MAP3K20: variants seen among roughly 807,000 people sequenced by gnomAD.
The protein encoded by MAP3K20 is HCCS-4.
A neutral mutation model predicts 85.7 loss-of-function variants in MAP3K20; 40 were observed. That is an observed-to-expected ratio of 0.47 (90% CI 0.36 to 0.61). The LOEUF is 0.61. MAP3K20 is among the 20% of genes least tolerant of loss of function. The pLI, the probability that MAP3K20 is intolerant of heterozygous loss-of-function variation, is 0.00. For synonymous variants in MAP3K20, 325 were observed against 327.7 expected, an observed-to-expected ratio of 0.99 and a Z score of 0.09; for missense variants, 817 against 961.7, an observed-to-expected ratio of 0.85 and a Z score of 1.99.
chr2:173,231,030 A>C (rs1363473320), intron 12 of MAP3K20, among the ~76,000 whole-genome samples: 1 of 152,218 alleles, frequency 6.6e-6, no homozygotes, highest in African/African-American at 2.4e-5. Flanking sequence ...TATAAAACTC[A>C]GGGACTTATG....
At chr2:173,122,491 T>C (rs1466557303) in intron 2 of MAP3K20, among the ~76,000 whole-genome samples, 1 of 152,166 alleles carries the variant, frequency 6.6e-6, no homozygotes, top group Non-Finnish European at 1.5e-5. Flanking sequence ...GGTGAAGGCT[T>C]GGAGGAGGAT....
chr2:173,173,747 T>G lies in MAP3K20; in HGVS notation c.247+3855T>G, dbSNP rs539613933. On this transcript the variant is annotated intron_variant, in intron 3 of 19. Coordinates refer to ENST00000375213, the MANE Select transcript of MAP3K20 (RefSeq NM_016653.3). Reference sequence around the variant, plus strand: ...CTATTAGTTATAATTTAAATGAAGCTTGGTCTTGGTGACATTTTATTACAA... The same window carrying G: ...CTATTAGTTATAATTTAAATGAAGCGTGGTCTTGGTGACATTTTATTACAA... 3.3e-5 allele frequency among the ~76,000 whole-genome samples: 5 copies of G among 152,336 alleles called. No homozygotes were observed. The South Asian group carries it at 6.2e-4, about 19-fold the overall frequency.
chr2:173,183,944 T>C (rs1015484586), intron 4 of MAP3K20, among the ~76,000 whole-genome samples: 2 of 152,158 alleles, frequency 1.3e-5, no homozygotes, highest in Non-Finnish European at 2.9e-5. Context: ...ATTCTTCAAA[T>C]AGGGAAAGTG....
intron 2 of MAP3K20, among the ~76,000 whole-genome samples, chr2:173,165,133 A>G (rs773942843): frequency 6.6e-6 from 1 of 151,968 alleles, no homozygotes. Context: ...TATTTTATGG[A>G]GAATCTTAGA....
At chr2:173,257,912 A>G (rs1455623761) in intron 16 of MAP3K20, among the ~76,000 whole-genome samples, 3 of 152,226 alleles carry the variant, frequency 2.0e-5, no homozygotes, top group Non-Finnish European at 4.4e-5. Context: ...CGAATGGTGT[A>G]AAGCACTTTT....
intron 2 of MAP3K20, among the ~76,000 whole-genome samples, chr2:173,145,221 T>C: frequency 6.6e-6 from 1 of 151,826 alleles, no homozygotes; most frequent in Non-Finnish European, 1.5e-5. Context: ...AATTCCAGCC[T>C]GGGTGACAGA....
intron 16 of MAP3K20, among the ~76,000 whole-genome samples, chr2:173,246,961 A>C (rs914239444): frequency 6.6e-6 from 1 of 152,228 alleles, no homozygotes. Context: ...TCAAAGGGGC[A>C]AGAAAAGTAG....
chr2:173,257,496 A>G (rs1032837790), intron 16 of MAP3K20, among the ~76,000 whole-genome samples: 3 of 152,192 alleles, frequency 2.0e-5, no homozygotes, highest in Non-Finnish European at 2.9e-5. Context: ...GCATGCATCA[A>G]TAATGTCTTC....
intron 2 of MAP3K20, among the ~76,000 whole-genome samples, chr2:173,095,607 T>A (rs1687435866): frequency 6.6e-6 from 1 of 152,220 alleles, no homozygotes; most frequent in African/African-American, 2.4e-5. Flanking sequence ...AATGTTTACT[T>A]CTTTGGGCCA....
In MAP3K20 at chr2:173,173,154, C is replaced by CTGTGTGTGTG. The variant is rs57836780; in HGVS notation, c.247+3296_247+3305dup. On this transcript the variant is annotated intron_variant, in intron 3 of 19. Transcript: ENST00000375213. The stretch of plus-strand genomic sequence containing the variant: ...CTGTACTACTCCCATTCTTTTATTT[C>CTGTGTGTGTG]TGTGTGTGTGTGTGTGTGTGTGTGT... Among the ~76,000 whole-genome samples the CTGTGTGTGTG allele has an allele frequency of 2.7e-4, 38 of 138,612 alleles. 1 individual carries two copies. Among genetic ancestry groups the CTGTGTGTGTG allele is most frequent in the East Asian group, 2.7e-3 (13 of 4,814 alleles). 90.9% of individuals were successfully genotyped at this position (138,612 alleles called of 152,430 possible).
chr2:173,245,218 AG>A (rs1684886405), intron 16 of MAP3K20, among the ~76,000 whole-genome samples: 1 of 152,198 alleles, frequency 6.6e-6, no homozygotes, highest in Non-Finnish European at 1.5e-5. Context: ...AAATAGGTAA[AG>A]GAAAAACCCT....
At chr2:173,108,042 G>A (rs1687833282) in intron 2 of MAP3K20, among the ~76,000 whole-genome samples, 1 of 151,918 alleles carries the variant, frequency 6.6e-6, no homozygotes, top group South Asian at 2.1e-4. Context: ...TCTCTATGGT[G>A]GTTTCTCATC....
At chr2:173,133,288 C>T (rs1483968810) in intron 2 of MAP3K20, among the ~76,000 whole-genome samples, 3 of 152,122 alleles carry the variant, frequency 2.0e-5, no homozygotes, top group African/African-American at 7.2e-5. Context: ...TTGGGTAACA[C>T]GTAGAGACGA....
intron 1 of MAP3K20, among the ~76,000 whole-genome samples, chr2:173,086,076 G>A (rs1213779631): frequency 1.3e-5 from 2 of 152,066 alleles, no homozygotes; most frequent in Non-Finnish European, 2.9e-5. Flanking sequence ...GACTATAGGC[G>A]TGAGCCACCG....
chr2:173,229,758 A>C (rs778953621), intron 12 of MAP3K20, 25 bp downstream of exon 12: 157 of 1,613,186 alleles, frequency 9.7e-5, no homozygotes, highest in Non-Finnish European at 1.2e-4. Flanking sequence ...TTCATGCCTT[A>C]TTTGACTTGA....
rs771698236 is a variant in MAP3K20, at chr2:173,183,149, A to ATCT, written c.349+197_349+199dup. On this transcript the variant is annotated intron_variant, in intron 4 of 19. Transcript: ENST00000375213. ...GCCTTTCCACTCCTGAATTCCTTTT[A>ATCT]TCTTCCTCTTAAGACTCTACTTTAT... is the stretch of plus-strand genomic sequence containing the variant. Among the ~76,000 whole-genome samples, 233 of 152,126 alleles carry ATCT rather than the reference A, an allele frequency of 1.5e-3. 3 individuals carry two copies. Among genetic ancestry groups the ATCT allele is most frequent in the Non-Finnish European group, 2.6e-3 (180 of 68,000 alleles).
At chr2:173,123,308 TC>T (rs1688350985) in intron 2 of MAP3K20, among the ~76,000 whole-genome samples, 2 of 151,186 alleles carry the variant, frequency 1.3e-5, no homozygotes, top group African/African-American at 4.9e-5. Flanking sequence ...TTCCCAGCAT[TC>T]TTTATCTAAC....
intron 11 of MAP3K20, chr2:173,224,763 A>G (rs530140048): frequency 1.0e-6 from 1 of 985,420 alleles, no homozygotes; most frequent in African/African-American, 1.7e-5. Flanking sequence ...AAATCATATA[A>G]TCAGAATTCT....
chr2:173,193,764 A>G (rs375612097), intron 7 of MAP3K20, among the ~76,000 whole-genome samples: 2 of 152,206 alleles, frequency 1.3e-5, no homozygotes, highest in African/African-American at 4.8e-5. Context: ...TTAAGAAACT[A>G]TGCACCACAT....
Sources: allele counts gnomAD v4.1 joint callset (sites outside exome capture counted in the v4.1 genomes callset), GRCh38; gene constraint gnomAD v4.1.1; transcripts MANE v1.5; gene names NCBI Gene and HGNC (gene_info 2026-07-23, HGNC 2026-07-21).